Variants in B4GALNT3 observed in about 807,000 individuals in gnomAD.
B4GALNT3 encodes the protein beta-1,4-N-acetyl-galactosaminyltransferase 3.
In B4GALNT3, 86 loss-of-function variants were observed where a neutral mutation model predicts 120.2. The ratio of observed to expected loss-of-function variants is 0.72; its 90% CI spans 0.60 to 0.86. B4GALNT3 has a LOEUF of 0.86. B4GALNT3 is among the 40% of genes least tolerant of loss of function. B4GALNT3 has a pLI of 0.00. For missense variants in B4GALNT3, 1,167 were observed against 1,298.9 expected (o/e 0.90, Z 1.56); for synonymous variants, 518 against 510.4 (o/e 1.01, Z -0.20).
chr12:523,430 C>T (rs1734887723), intron 1 of B4GALNT3, among the ~76,000 whole-genome samples: 1 of 152,212 alleles, frequency 6.6e-6, no homozygotes, highest in African/African-American at 2.4e-5. Flanking sequence ...CAGCGAGAAT[C>T]TAATAACAAA....
chr12:558,619 G>A lies in B4GALNT3; in HGVS notation c.2719G>A (p.Val907Met). 1 of 1,614,124 alleles carries A rather than the reference G, an allele frequency of 6.2e-7. No individual in the cohort carries two copies. The highest frequency in any genetic ancestry group is 8.5e-7 in the Non-Finnish European group (1 of 1,180,008). Residue 907 changes from valine (V) to methionine (M), a missense_variant, in exon 18 of 20, where the codon GTG becomes ATG. By Grantham distance (21) the Val-to-Met change is conservative. Transcript: ENST00000266383. ...GGGAAAGATGGCCTTTGCCCCCATGGTGATGAGGCTGCATTGTGGGGCCAC... is the reference window on the plus strand; with the variant it reads ...GGGAAAGATGGCCTTTGCCCCCATGATGATGAGGCTGCATTGTGGGGCCAC... ...VEGKMAFAPM[V>M]MRLHCGATPQ... is the part of the protein sequence containing the mutation.
intron 1 of B4GALNT3, among the ~76,000 whole-genome samples, chr12:530,236 C>T (rs753595611): frequency 2.6e-5 from 4 of 152,250 alleles, no homozygotes; most frequent in Non-Finnish European, 1.5e-5. Context: ...ATTTTCCTGT[C>T]GTGAGCCATG....
At chr12:537,741 C>T (rs1335244084) in intron 3 of B4GALNT3, among the ~76,000 whole-genome samples, 3 of 152,198 alleles carry the variant, frequency 2.0e-5, no homozygotes, top group African/African-American at 4.8e-5. Context: ...TCTTTAGTCT[C>T]GAGGCCCTGC....
At position 561,344 on chromosome 12, in the gene B4GALNT3, A is replaced by G; in HGVS notation, c.2890A>G (p.Ile964Val). 1 of 1,611,800 alleles carries G rather than the reference A, an allele frequency of 6.2e-7. No individual in the cohort carries two copies. Among genetic ancestry groups the G allele is most frequent in the Non-Finnish European group, 8.5e-7 (1 of 1,178,028 alleles). ...TCATCTGTGTTTCTCCTCCTCCAGGATACTCCAAGCGGGCCTGGACGTGGA... is the reference window on the plus strand; with the variant it reads ...TCATCTGTGTTTCTCCTCCTCCAGGGTACTCCAAGCGGGCCTGGACGTGGA... ...GGEDWELLDR[I>V]LQAGLDVERL... The change falls in exon 20 of 20, where the codon ATA becomes GTA. Residue 964 changes from isoleucine (I) to valine (V), a missense_variant and splice_region_variant. Coordinates refer to ENST00000266383, the MANE Select transcript of B4GALNT3 (RefSeq NM_173593.4).
At chr12:481,762 C>T (rs11063204) in intron 1 of B4GALNT3, among the ~76,000 whole-genome samples, 8,104 of 152,226 alleles carry the variant, frequency 0.053, 337 homozygotes, top group East Asian at 0.21. Context: ...CTGGACACAG[C>T]GCTCCAGGTC....
At chr12:512,372 A>T (rs1469617282) in intron 1 of B4GALNT3, among the ~76,000 whole-genome samples, 1 of 84,156 alleles carries the variant, frequency 1.2e-5, no homozygotes, top group South Asian at 3.9e-4. Flanking sequence ...ACCTTCTTCC[A>T]CCTTCCACCT....
At chr12:504,116 A>AT (rs1228725369) in intron 1 of B4GALNT3, among the ~76,000 whole-genome samples, 6 of 99,622 alleles carry the variant, frequency 6.0e-5, no homozygotes, top group African/African-American at 2.1e-4. Flanking sequence ...CTCTGTCTCA[A>AT]TTAAAAAAAA....
intron 1 of B4GALNT3, among the ~76,000 whole-genome samples, chr12:513,079 T>TCACCTTC (rs1476282964): frequency 2.0e-4 from 19 of 94,416 alleles, no homozygotes; most frequent in South Asian, 1.1e-3. Context: ...CTTTGACCTT[T>TCACCTTC]CACCTTCCAC....
At position 545,315 on chromosome 12, in the gene B4GALNT3, C is replaced by A. The variant is rs73592366; in HGVS notation, c.539-54C>A. On this transcript the variant is annotated intron_variant, in intron 5 of 19. Coordinates refer to ENST00000266383, the MANE Select transcript of B4GALNT3 (RefSeq NM_173593.4). Reference sequence around the variant, plus strand: ...CTAAGACACTCACAAAAGCCTCCAGCTTTTATGCTGATGCCCTCCTTGCCC... The same window carrying A: ...CTAAGACACTCACAAAAGCCTCCAGATTTTATGCTGATGCCCTCCTTGCCC... 6 of 1,561,658 alleles carry A rather than the reference C, an allele frequency of 3.8e-6. No individual in the cohort carries two copies. The East Asian group carries it at 1.4e-4, about 36-fold the overall frequency.
chr12:480,357 C>T (rs1946227151), intron 1 of B4GALNT3, among the ~76,000 whole-genome samples: 1 of 92,852 alleles, frequency 1.1e-5, no homozygotes, highest in Non-Finnish European at 2.5e-5. Flanking sequence ...TGGGAACTGG[C>T]TCTGTGACTT....
At chr12:533,766 C>T (rs7311620) in intron 1 of B4GALNT3, among the ~76,000 whole-genome samples, 4,653 of 152,210 alleles carry the variant, frequency 0.031, 225 homozygotes, top group African/African-American at 0.1. Flanking sequence ...CTCAGTAAGC[C>T]GAAAGGGCCC....
intron 1 of B4GALNT3, among the ~76,000 whole-genome samples, chr12:487,713 G>GGA (rs1555152273): frequency 1.6e-4 from 17 of 106,588 alleles, no homozygotes; most frequent in Non-Finnish European, 2.3e-4. Flanking sequence ...ACTCTATCTT[G>GGA]AAAAAAAAAA....
intron 1 of B4GALNT3, among the ~76,000 whole-genome samples, chr12:479,110 G>A (rs1946211334): frequency 6.6e-6 from 1 of 152,218 alleles, no homozygotes; most frequent in Non-Finnish European, 1.5e-5. Flanking sequence ...AGGGGATGTA[G>A]CAGAGTTCAG....
intron 1 of B4GALNT3, among the ~76,000 whole-genome samples, chr12:469,867 G>C (rs1163722239): frequency 6.6e-6 from 1 of 152,006 alleles, no homozygotes; most frequent in African/African-American, 2.4e-5. Context: ...GCTCAGGCTG[G>C]TCCTGAACTC....
At chr12:501,189 C>T (rs1565594878) in intron 1 of B4GALNT3, among the ~76,000 whole-genome samples, 2 of 152,090 alleles carry the variant, frequency 1.3e-5, no homozygotes, top group African/African-American at 2.4e-5. Flanking sequence ...TTTTACTTGG[C>T]TAAGTATTTA....
chr12:528,683 C>G (rs1207210498), intron 1 of B4GALNT3, among the ~76,000 whole-genome samples: 1 of 152,132 alleles, frequency 6.6e-6, no homozygotes, highest in Non-Finnish European at 1.5e-5. Context: ...TGGCGGGGTT[C>G]AGGCCCTGCT....
rs1946970026 is a variant in B4GALNT3, at chr12:544,736, A to G, written c.448-146A>G. 7 of 753,148 alleles carry G rather than the reference A, an allele frequency of 9.3e-6. No individual in the cohort carries two copies. In the South Asian group the frequency reaches 1.3e-4, roughly 14 times the overall value. 46.7% of individuals were successfully genotyped at this position (753,148 alleles called of 1,614,324 possible). On this transcript the variant is annotated intron_variant, in intron 4 of 19. Transcript: ENST00000266383. ...CTCCTGGACAAAGAGGCAAATGGGA[A>G]CTGAAATTGAGCCTGCACTCCACTC...
intron 14 of B4GALNT3, among the ~76,000 whole-genome samples, chr12:554,489 G>A (rs1947121115): frequency 6.6e-6 from 1 of 152,120 alleles, no homozygotes; most frequent in Admixed American, 6.6e-5. Context: ...CCTTTCAGTG[G>A]TTTTAAAAGT....
chr12:538,419 C>T (rs1006855345), intron 3 of B4GALNT3, among the ~76,000 whole-genome samples: 3 of 151,512 alleles, frequency 2.0e-5, no homozygotes, highest in South Asian at 2.1e-4. Flanking sequence ...AATAGCTAGC[C>T]GTGGTGATGC....
Sources: allele counts gnomAD v4.1 joint callset (sites outside exome capture counted in the v4.1 genomes callset), GRCh38; gene constraint gnomAD v4.1.1; transcripts MANE v1.5; gene names NCBI Gene and HGNC (gene_info 2026-07-23, HGNC 2026-07-21).